The following SRRM1 variants were observed in gnomAD, a reference collection of about 807,000 sequenced individuals.
SRRM1 encodes the protein serine and arginine repetitive matrix 1, also known as serine/arginine repetitive matrix protein 1.
In SRRM1, 19 loss-of-function variants were observed where a neutral mutation model predicts 110.2. The ratio of observed to expected loss-of-function variants is 0.17; its 90% confidence interval spans 0.12 to 0.25. The LOEUF is 0.25. Ranked by LOEUF, SRRM1 falls within the 10% of genes least tolerant of loss-of-function variation. SRRM1 has a pLI of 1.00. For synonymous variants in SRRM1, 443 were observed against 414.9 expected (o/e 1.07, Z -0.82); for missense variants, 918 against 1,145.8 (o/e 0.80, Z 2.87).
At position 24,662,799 on chromosome 1, in the gene SRRM1, C is replaced by T. The variant is rs1667942381; in HGVS notation, c.1623C>T (p.Ser541=). The part of the protein sequence containing the change: ...PSPRKRQKET[S]PRGRRRRSPS... ...CACGAAAGCGCCAAAAAGAGACTTCCCCTCGGTAACATCTTTGCTTCAGTG... is the reference window on the plus strand; with the variant it reads ...CACGAAAGCGCCAAAAAGAGACTTCTCCTCGGTAACATCTTTGCTTCAGTG... The change falls in exon 12 of 17, where the codon TCC becomes TCT. Residue 541 remains serine (S), a synonymous_variant. Transcript: ENST00000323848. The T allele has an allele frequency of 1.2e-6, 2 of 1,614,002 alleles. No individual in the cohort carries two copies. The highest frequency in any genetic ancestry group is 2.2e-5 in the South Asian group (2 of 91,078).
chr1:24,671,111 T>C (rs956342263), intron 15 of SRRM1, among the ~76,000 whole-genome samples: 3 of 152,226 alleles, frequency 2.0e-5, no homozygotes, highest in African/African-American at 7.2e-5. Context: ...ATTACACTTA[T>C]TTTAGGTAAA....
intron 16 of SRRM1, 96 bp from the exon 17 acceptor site, chr1:24,672,086 G>A: frequency 2.2e-6 from 2 of 907,818 alleles, no homozygotes; most frequent in East Asian, 2.7e-5. Flanking sequence ...AGTCCCCGGT[G>A]TGTGATGTTC....
chr1:24,660,693 T>C (rs1203800552), intron 9 of SRRM1, 26 bp from the exon 10 acceptor site: 3 of 1,377,640 alleles, frequency 2.2e-6, no homozygotes, highest in Middle Eastern at 1.9e-4. Flanking sequence ...GTACGTAAGC[T>C]TTTTTCCACT....
At chr1:24,652,292 ATACT>A in intron 6 of SRRM1, 138 bp from the exon 7 acceptor site, 8 of 573,242 alleles carry the variant, frequency 1.4e-5, no homozygotes, top group South Asian at 1.2e-4. Flanking sequence ...AGGTACATAC[ATACT>A]TATGTGTCTT....
At chr1:24,670,413 T>C in intron 15 of SRRM1, 98 bp downstream of exon 15, 3 of 1,284,486 alleles carry the variant, frequency 2.3e-6, no homozygotes, top group Non-Finnish European at 3.2e-6. Context: ...TATTGGTGTT[T>C]AAACTTTTTT....
intron 3 of SRRM1, chr1:24,648,471 A>AT (rs1658733857): frequency 6.3e-6 from 1 of 159,892 alleles, no homozygotes; most frequent in African/African-American, 2.4e-5. Context: ...TCCGTTTCTC[A>AT]TTGGGGGAAA....
At chr1:24,652,062 A>G (rs1471051601) in intron 6 of SRRM1, among the ~76,000 whole-genome samples, 5 of 132,484 alleles carry the variant, frequency 3.8e-5, no homozygotes, top group Admixed American at 1.5e-4. Flanking sequence ...ATATATATAT[A>G]TGTACACACA....
intron 11 of SRRM1, among the ~76,000 whole-genome samples, chr1:24,662,055 A>G (rs1340139134): frequency 6.6e-6 from 1 of 152,168 alleles, no homozygotes; most frequent in Non-Finnish European, 1.5e-5. Flanking sequence ...GCGCCACTGC[A>G]CTCCAGCCTG....
chr1:24,671,247 T>C, intron 15 of SRRM1, 139 bp from the exon 16 acceptor site: 1 of 897,222 alleles, frequency 1.1e-6, no homozygotes, highest in Non-Finnish European at 1.7e-6. Context: ...CCTTGGGCCT[T>C]CCCCACTCAC....
At position 24,672,758 on chromosome 1, in the gene SRRM1, G is replaced by T. The variant is rs1215066149; in HGVS notation, c.*472G>T. ...TGCCCAGAAATAAGACCACTGTTTTGAACTACCACAAAAGTATAAATGAAT... is the reference window on the plus strand; with the variant it reads ...TGCCCAGAAATAAGACCACTGTTTTTAACTACCACAAAAGTATAAATGAAT... On this transcript the variant is annotated 3_prime_UTR_variant, in exon 17 of 17. Coordinates refer to ENST00000323848, the MANE Select transcript of SRRM1 (RefSeq NM_005839.4). The T allele has an allele frequency of 6.6e-6, 1 of 152,472 alleles. No individual in the cohort carries two copies. Among genetic ancestry groups the T allele is most frequent in the Non-Finnish European group, 1.5e-5 (1 of 68,128 alleles). 9.4% of individuals were successfully genotyped at this position (152,472 alleles called of 1,614,324 possible). A position where few individuals can be genotyped will look rare whatever the true frequency, so the allele number is the denominator to read the frequency against.
In SRRM1 at chr1:24,661,208, A is replaced by T; in HGVS notation, c.1397-102A>T. ...AAAATATATAGTAGTTGTATTTTTG[A>T]TCCAACCAAATGAAGGTTTGAGAGA... On this transcript the variant is annotated intron_variant, in intron 10 of 16. Coordinates refer to ENST00000323848, the MANE Select transcript of SRRM1 (RefSeq NM_005839.4). 5.4e-6 allele frequency: 4 copies of T among 744,270 alleles called. No individual in the cohort carries two copies. The South Asian group carries it at 7.8e-5, about 15-fold the overall frequency. The allele number at this position is 744,270 out of a possible 1,614,324, so 46.1% of individuals were successfully genotyped here.
rs375983902 is a variant in SRRM1 at position 24,671,634 on chromosome 1, C to A, written c.2610+39C>A. 15 of 1,512,716 alleles carry A rather than the reference C, an allele frequency of 9.9e-6. No individual in the cohort carries two copies. In the African/African-American group the frequency reaches 2.1e-4, roughly 21 times the overall value. The allele number at this position is 1,512,716 out of a possible 1,614,324, so 93.7% of individuals were successfully genotyped here. A position where few individuals can be genotyped will look rare whatever the true frequency, so the allele number is the denominator to read the frequency against. ...CTGTATATGGCTGTCTTGCAGTTTA[C>A]GTACAGATAGCAAAGTCATTTTGTT... On this transcript the variant is annotated intron_variant, in intron 16 of 16. Transcript: ENST00000323848.
rs371287381 is a variant in SRRM1, at chr1:24,660,760, C to A, written c.1357C>A (p.Pro453Thr). ...TACTGAGAAAAGAGAATCCCCTTCACCAGCACCGAAGCCTAGAAAAGTAGA... is the reference window on the plus strand; with the variant it reads ...TACTGAGAAAAGAGAATCCCCTTCAACAGCACCGAAGCCTAGAAAAGTAGA... The part of the protein sequence containing the change: ...KGTEKRESPS[P>T]APKPRKVELS... The change falls in exon 10 of 17, where the codon CCA becomes ACA. Residue 453 changes from proline to threonine, a missense_variant. Transcript: ENST00000323848. 4.4e-6 allele frequency: 7 copies of A among 1,592,868 alleles called. No homozygotes were observed. The highest frequency in any genetic ancestry group is 6.0e-6 in the Non-Finnish European group (7 of 1,171,232).
intron 9 of SRRM1, among the ~76,000 whole-genome samples, chr1:24,657,494 G>A (rs754138942): frequency 1.3e-5 from 2 of 152,138 alleles, no homozygotes; most frequent in African/African-American, 2.4e-5. Flanking sequence ...AAATTACTTT[G>A]CAGTTTCTGC....
At chr1:24,664,669 G>A (rs2148657955) in intron 12 of SRRM1, among the ~76,000 whole-genome samples, 1 of 152,298 alleles carries the variant, frequency 6.6e-6, no homozygotes, top group Non-Finnish European at 1.5e-5. Context: ...GTTTGTGATG[G>A]AGCAAAGCAC....
At chr1:24,669,715 A>G (rs1671772154) in intron 14 of SRRM1, 128 bp downstream of exon 14, 6 of 766,250 alleles carry the variant, frequency 7.8e-6, no homozygotes, top group South Asian at 2.0e-5. Flanking sequence ...TTGAGGTACT[A>G]TTTACAGATC....
chr1:24,671,129 CAGAA>C (rs764969639), intron 15 of SRRM1, among the ~76,000 whole-genome samples: 25 of 152,308 alleles, frequency 1.6e-4, no homozygotes, highest in African/African-American at 3.6e-4. Flanking sequence ...AAAAAGGTCT[CAGAA>C]AGAGTTCAAC....
At chr1:24,658,931 C>T (rs549721015) in intron 9 of SRRM1, among the ~76,000 whole-genome samples, 1 of 152,264 alleles carries the variant, frequency 6.6e-6, no homozygotes, top group South Asian at 2.1e-4. Context: ...CGGTGGCTCA[C>T]GCCTGTAATC....
chr1:24,653,305 CTAAG>C (rs777313579), intron 8 of SRRM1, among the ~76,000 whole-genome samples: 2 of 152,098 alleles, frequency 1.3e-5, no homozygotes, highest in Non-Finnish European at 2.9e-5. Flanking sequence ...AGAAATCATA[CTAAG>C]TAAGAGAATT....
Sources: allele counts gnomAD v4.1 joint callset (sites outside exome capture counted in the v4.1 genomes callset), GRCh38; gene constraint gnomAD v4.1.1; transcripts MANE v1.5; gene names NCBI Gene and HGNC (gene_info 2026-07-23, HGNC 2026-07-21).